Variants in RNGTT observed in about 807,000 individuals in gnomAD.
RNGTT encodes RNA guanylyltransferase and 5'-phosphatase, also known as mRNA-capping enzyme.
In RNGTT, 33 loss-of-function variants were observed where a neutral mutation model predicts 79.3. The ratio of observed to expected loss-of-function variants is 0.42; its 90% CI spans 0.32 to 0.56. The LOEUF (loss-of-function observed/expected upper bound fraction) is 0.56. Among genes scored for constraint, RNGTT ranks in the 20% least tolerant of loss-of-function variants. The pLI, the probability that RNGTT is intolerant of heterozygous loss-of-function variation, is 0.17. For synonymous variants in RNGTT, 222 were observed against 235.9 expected (o/e 0.94, Z 0.54); for missense variants, 497 against 739.1 (o/e 0.67, Z 3.80).
intron 13 of RNGTT, among the ~76,000 whole-genome samples, chr6:88,713,158 G>A (rs1776376366): frequency 6.6e-6 from 1 of 152,114 alleles, no homozygotes; most frequent in African/African-American, 2.4e-5. Flanking sequence ...ATGCAATTAA[G>A]TCATGAGAGT....
chr6:88,942,342 AT>A (rs1047442569), intron 1 of RNGTT, among the ~76,000 whole-genome samples: 7 of 151,908 alleles, frequency 4.6e-5, no homozygotes, highest in Admixed American at 1.3e-4. Context: ...CCTCTAACCA[AT>A]TTTTTTAACA....
At chr6:88,869,168 T>TAAAACAAAA (rs1782277084) in intron 8 of RNGTT, among the ~76,000 whole-genome samples, 1 of 152,258 alleles carries the variant, frequency 6.6e-6, no homozygotes, top group East Asian at 1.9e-4. Context: ...CGTATCTAAG[T>TAAAACAAAA]GCACCAAATG....
chr6:88,897,518 TAATA>T (rs1783291661), intron 6 of RNGTT, among the ~76,000 whole-genome samples: 1 of 152,190 alleles, frequency 6.6e-6, no homozygotes, highest in Non-Finnish European at 1.5e-5. Flanking sequence ...TTATCCACAC[TAATA>T]AATATGCTTG....
intron 14 of RNGTT, among the ~76,000 whole-genome samples, chr6:88,663,052 T>C (rs2610714): frequency 0.27 from 40,329 of 152,150 alleles, 9,334 homozygotes; most frequent in African/African-American, 0.63. Flanking sequence ...TTGGCTCAAA[T>C]TGCTTGATGA....
At chr6:88,628,448 T>G (rs1252431953) in intron 14 of RNGTT, among the ~76,000 whole-genome samples, 2 of 152,178 alleles carry the variant, frequency 1.3e-5, no homozygotes, top group Non-Finnish European at 2.9e-5. Context: ...TTGGTGTGTA[T>G]GTGTGAACAT....
chr6:88,743,620 G>A (rs961641589), intron 13 of RNGTT, among the ~76,000 whole-genome samples: 2 of 152,024 alleles, frequency 1.3e-5, no homozygotes, highest in African/African-American at 4.8e-5. Context: ...TGTCCTGAAG[G>A]TTCATTCACA....
At chr6:88,877,900 T>G (rs1183603801) in intron 8 of RNGTT, among the ~76,000 whole-genome samples, 2 of 152,122 alleles carry the variant, frequency 1.3e-5, no homozygotes, top group Non-Finnish European at 2.9e-5. Flanking sequence ...CTGATGAAAC[T>G]ACTATTAAAA....
intron 11 of RNGTT, among the ~76,000 whole-genome samples, chr6:88,810,320 T>C (rs1780096581): frequency 1.3e-5 from 2 of 152,182 alleles, no homozygotes; most frequent in Non-Finnish European, 2.9e-5. Flanking sequence ...CAGCTGCCTT[T>C]AAAGATGGAA....
intron 14 of RNGTT, among the ~76,000 whole-genome samples, chr6:88,662,698 C>T (rs922027969): frequency 6.6e-6 from 1 of 152,208 alleles, no homozygotes; most frequent in Admixed American, 6.5e-5. Context: ...AGGACTCCGG[C>T]GAGCTTAAGC....
At chr6:88,707,734 A>AAAG (rs1474466377) in intron 13 of RNGTT, among the ~76,000 whole-genome samples, 2 of 151,362 alleles carry the variant, frequency 1.3e-5, no homozygotes, top group African/African-American at 4.9e-5. Context: ...TTAAAAAAAA[A>AAAG]AAAAAAAGGC....
intron 8 of RNGTT, among the ~76,000 whole-genome samples, chr6:88,887,045 T>G (rs534343524): frequency 1.5e-5 from 2 of 132,070 alleles, no homozygotes; most frequent in Non-Finnish European, 1.6e-5. Flanking sequence ...ACACAATTTC[T>G]TTAAAAAAAA....
At chr6:88,683,380 T>A (rs1390976537) in intron 13 of RNGTT, among the ~76,000 whole-genome samples, 1 of 152,046 alleles carries the variant, frequency 6.6e-6, no homozygotes, top group East Asian at 1.9e-4. Context: ...AAAAATATAA[T>A]GCACTAAAAC....
intron 14 of RNGTT, among the ~76,000 whole-genome samples, chr6:88,669,147 C>T (rs577527089): frequency 6.6e-6 from 1 of 152,268 alleles, no homozygotes; most frequent in Non-Finnish European, 1.5e-5. Context: ...ACCCCCGAGT[C>T]AACCTTTTAA....
chr6:88,814,897 G>A (rs1443953466), intron 11 of RNGTT, among the ~76,000 whole-genome samples: 1 of 152,158 alleles, frequency 6.6e-6, no homozygotes, highest in Non-Finnish European at 1.5e-5. Flanking sequence ...ATGAGAAATT[G>A]CAAAAATATA....
intron 12 of RNGTT, among the ~76,000 whole-genome samples, chr6:88,800,589 G>C (rs1435020482): frequency 6.6e-6 from 1 of 152,214 alleles, no homozygotes; most frequent in African/African-American, 2.4e-5. Context: ...TTCCTATAGA[G>C]TAAGTAGCTC....
intron 12 of RNGTT, among the ~76,000 whole-genome samples, chr6:88,794,108 G>A (rs1779511425): frequency 6.6e-6 from 1 of 152,188 alleles, no homozygotes; most frequent in Non-Finnish European, 1.5e-5. Context: ...ACATTTTACA[G>A]ATGAAAAACT....
chr6:88,834,615 C>T (rs9342167), intron 11 of RNGTT, among the ~76,000 whole-genome samples: 5,713 of 152,216 alleles, frequency 0.038, 166 homozygotes, highest in African/African-American at 0.076. Context: ...TCTTTCTTCT[C>T]TTCAACCACA....
intron 12 of RNGTT, among the ~76,000 whole-genome samples, chr6:88,794,798 T>G (rs1399549492): frequency 3.3e-5 from 5 of 152,168 alleles, no homozygotes; most frequent in African/African-American, 7.2e-5. Context: ...TTAGTAACAA[T>G]TTTTCAAGAG....
At chr6:88,862,947 C>T (rs1260142163) in intron 8 of RNGTT, among the ~76,000 whole-genome samples, 1 of 152,122 alleles carries the variant, frequency 6.6e-6, no homozygotes, top group Non-Finnish European at 1.5e-5. Context: ...TCTGTAAGTA[C>T]AGCAGGCCTC....
Sources: allele counts gnomAD v4.1 joint callset (sites outside exome capture counted in the v4.1 genomes callset), GRCh38; gene constraint gnomAD v4.1.1; transcripts MANE v1.5; gene names NCBI Gene and HGNC (gene_info 2026-07-23, HGNC 2026-07-21).